PRKN: variants seen among roughly 807,000 people sequenced by gnomAD.
PRKN encodes parkin RBR E3 ubiquitin protein ligase.
A neutral mutation model predicts 59.5 loss-of-function variants in PRKN; 56 were observed. The ratio of observed to expected loss-of-function variants is 0.94; its 90% CI spans 0.76 to 1.18. The LOEUF (loss-of-function observed/expected upper bound fraction) is 1.18. PRKN is among the 50% of genes most tolerant of loss of function. The pLI is 0.00. For missense variants in PRKN, 657 were observed against 596.4 expected (o/e 1.10, Z -1.06); for synonymous variants, 250 against 222.1 (o/e 1.13, Z -1.12).
At chr6:162,258,945 C>T (rs1482631632) in intron 3 of PRKN, among the ~76,000 whole-genome samples, 4 of 152,154 alleles carry the variant, frequency 2.6e-5, no homozygotes, top group Admixed American at 1.3e-4. Context: ...GGCACCTTCT[C>T]GGGTTTCAGA....
At chr6:162,108,457 C>T (rs1424902008) in intron 4 of PRKN, among the ~76,000 whole-genome samples, 1 of 152,176 alleles carries the variant, frequency 6.6e-6, no homozygotes, top group Non-Finnish European at 1.5e-5. Context: ...CTTAGCAAAT[C>T]GCACATTTTA....
At chr6:162,689,935 A>T (rs937796886) in intron 1 of PRKN, among the ~76,000 whole-genome samples, 2 of 152,218 alleles carry the variant, frequency 1.3e-5, no homozygotes, top group Non-Finnish European at 2.9e-5. Context: ...GGGGTGACCA[A>T]TTTCAGACCC....
chr6:161,604,852 T>C (rs1055647318), intron 7 of PRKN, among the ~76,000 whole-genome samples: 1 of 152,088 alleles, frequency 6.6e-6, no homozygotes, highest in Non-Finnish European at 1.5e-5. Flanking sequence ...AGAGAATCAC[T>C]TGAGCCTGGG....
intron 1 of PRKN, among the ~76,000 whole-genome samples, chr6:162,490,445 C>A (rs965928664): frequency 1.3e-5 from 2 of 152,112 alleles, no homozygotes; most frequent in Admixed American, 6.6e-5. Flanking sequence ...TTTTCCTAGT[C>A]AGTGCAACAA....
intron 3 of PRKN, among the ~76,000 whole-genome samples, chr6:162,216,089 C>A (rs1262421355): frequency 6.6e-6 from 1 of 152,092 alleles, no homozygotes; most frequent in African/African-American, 2.4e-5. Flanking sequence ...TTCTGGACCC[C>A]AAATGGACAA....
intron 1 of PRKN, among the ~76,000 whole-genome samples, chr6:162,527,176 G>A (rs34505509): frequency 0.087 from 13,273 of 152,234 alleles, 731 homozygotes; most frequent in South Asian, 0.18. Flanking sequence ...CTTTGCTTCA[G>A]AGGGCAGTTT....
At chr6:162,417,894 CTT>C (rs1414845722) in intron 2 of PRKN, among the ~76,000 whole-genome samples, 1 of 152,162 alleles carries the variant, frequency 6.6e-6, no homozygotes, top group Non-Finnish European at 1.5e-5. Context: ...TCCATGAACT[CTT>C]GATTACTGAT....
At chr6:161,785,022 TGTA>T (rs1790357768) in intron 7 of PRKN, among the ~76,000 whole-genome samples, 3 of 152,300 alleles carry the variant, frequency 2.0e-5, no homozygotes, top group African/African-American at 7.2e-5. Context: ...GGTCACCTAT[TGTA>T]CGATTTCTTT....
chr6:161,752,481 C>T (rs1263105378), intron 7 of PRKN, among the ~76,000 whole-genome samples: 1 of 152,052 alleles, frequency 6.6e-6, no homozygotes, highest in Non-Finnish European at 1.5e-5. Flanking sequence ...ATGACCTGAG[C>T]CCAAAAGTTC....
At chr6:161,900,851 CATATATA>C (rs1488069466) in intron 6 of PRKN, among the ~76,000 whole-genome samples, 1 of 134,254 alleles carries the variant, frequency 7.4e-6, no homozygotes, top group Admixed American at 7.9e-5. Flanking sequence ...TATATAATTA[CATATATA>C]ATATATAATA....
At chr6:162,133,908 G>A (rs1781470835) in intron 4 of PRKN, among the ~76,000 whole-genome samples, 1 of 152,094 alleles carries the variant, frequency 6.6e-6, no homozygotes, top group African/African-American at 2.4e-5. Flanking sequence ...GAGATGCTGA[G>A]CCTAGATATT....
In PRKN at chr6:161,402,442, C is replaced by A. The variant is rs187255351; in HGVS notation, c.1084-15565G>T. Reference sequence around the variant, plus strand: ...GATAATGCGCGGATCTCAGGTGAGTCGAGGAAATGCCACAGACATTGCTGC... The same window carrying A: ...GATAATGCGCGGATCTCAGGTGAGTAGAGGAAATGCCACAGACATTGCTGC... On this transcript the variant is annotated intron_variant, in intron 9 of 11. Coordinates refer to ENST00000366898, the MANE Select transcript of PRKN (RefSeq NM_004562.3). This position sits in a 1 kb window ranked among gnomAD's most constrained non-coding sequence, Gnocchi z 4.5. Among the ~76,000 whole-genome samples the A allele has an allele frequency of 1.4e-4, 21 of 152,118 alleles. No individual in the cohort carries two copies. The East Asian group carries it at 2.1e-3, about 15-fold the overall frequency.
intron 2 of PRKN, among the ~76,000 whole-genome samples, chr6:162,383,281 G>C (rs1303820252): frequency 6.6e-6 from 1 of 152,096 alleles, no homozygotes; most frequent in African/African-American, 2.4e-5. Flanking sequence ...TGTATTTCTT[G>C]AATAATAAGA....
At chr6:161,781,316 G>A (rs1407873330) in intron 7 of PRKN, among the ~76,000 whole-genome samples, 5 of 152,140 alleles carry the variant, frequency 3.3e-5, no homozygotes, top group Non-Finnish European at 7.4e-5. Context: ...CAGTGATGAG[G>A]TGGCCACATT....
At chr6:161,950,569 A>G (rs1180209498) in intron 6 of PRKN, among the ~76,000 whole-genome samples, 1 of 152,138 alleles carries the variant, frequency 6.6e-6, no homozygotes, top group African/African-American at 2.4e-5. Context: ...TCTCTTTGCA[A>G]TAGCAAAGAG....
At chr6:161,587,798 G>GT in intron 7 of PRKN, among the ~76,000 whole-genome samples, 1 of 151,846 alleles carries the variant, frequency 6.6e-6, no homozygotes, top group Admixed American at 6.6e-5. Context: ...TCTCATTCTT[G>GT]TTTTTTTAAA....
chr6:161,764,107 T>G (rs550771664), intron 7 of PRKN, among the ~76,000 whole-genome samples: 1 of 152,210 alleles, frequency 6.6e-6, no homozygotes, highest in African/African-American at 2.4e-5. Context: ...GGTCTCTCCA[T>G]GCTACAGACA....
At chr6:161,952,748 T>C (rs561745831) in intron 6 of PRKN, among the ~76,000 whole-genome samples, 10 of 152,340 alleles carry the variant, frequency 6.6e-5, no homozygotes, top group Middle Eastern at 3.4e-3. Context: ...TTATGTGTGA[T>C]CTCAGCTTAT....
intron 6 of PRKN, among the ~76,000 whole-genome samples, chr6:161,948,982 G>C (rs1011226265): frequency 6.6e-6 from 1 of 152,130 alleles, no homozygotes; most frequent in African/African-American, 2.4e-5. Flanking sequence ...TGATTTCTAC[G>C]GGGAGGCAGA....
Sources: allele counts gnomAD v4.1 joint callset (sites outside exome capture counted in the v4.1 genomes callset), GRCh38; gene constraint gnomAD v4.1.1; non-coding constraint Gnocchi (gnomAD v3.1); transcripts MANE v1.5; gene names NCBI Gene and HGNC (gene_info 2026-07-23, HGNC 2026-07-21).